LRRK2: variants seen among roughly 807,000 people sequenced by gnomAD.
The protein encoded by LRRK2 is leucine-rich repeat serine/threonine-protein kinase 2.
Under a neutral mutation model 302.6 loss-of-function variants are expected in LRRK2, and 203 were observed. The ratio of observed to expected loss-of-function variants is 0.67; its 90% CI spans 0.60 to 0.75. The LOEUF (loss-of-function observed/expected upper bound fraction) is 0.75, where lower values mean the gene tolerates loss of function less well. Ranked by LOEUF, LRRK2 falls within the 30% of genes least tolerant of loss-of-function variation. LRRK2 has a pLI of 0.00. For synonymous variants in LRRK2, 1,066 were observed against 1,031.9 expected, an observed-to-expected ratio of 1.03 and a Z score of -0.63; for missense variants, 2,830 against 2,951.0, an observed-to-expected ratio of 0.96 and a Z score of 0.95.
intron 11 of LRRK2, 36 bp from the exon 12 acceptor site, chr12:40,257,212 T>C (rs772232035): frequency 1.9e-5 from 27 of 1,424,064 alleles, no homozygotes; most frequent in Non-Finnish European, 2.5e-5. Context: ...GAAAATATGC[T>C]TTCATATCTA....
rs191471403 is a variant in LRRK2, at chr12:40,365,116, C to T, written c.7390+66C>T. 86 of 1,435,714 alleles carry T rather than the reference C, an allele frequency of 6.0e-5. No individual in the cohort carries two copies. In the South Asian group the frequency reaches 6.6e-4, roughly 11 times the overall value. The allele number at this position is 1,435,714 out of a possible 1,614,324, so 88.9% of individuals were successfully genotyped here. A position where few individuals can be genotyped will look rare whatever the true frequency, so the allele number is the denominator to read the frequency against. Reference sequence around the variant, plus strand: ...TCTTATAAAATATGCCTTTATTTTACGTTTACATTTTCTCTGAACTTTCCA... The same window carrying T: ...TCTTATAAAATATGCCTTTATTTTATGTTTACATTTTCTCTGAACTTTCCA... On this transcript the variant is annotated intron_variant, in intron 49 of 50. Coordinates refer to ENST00000298910, the MANE Select transcript of LRRK2 (RefSeq NM_198578.4).
chr12:40,225,756 A>G (rs1349262965), intron 2 of LRRK2, 116 bp downstream of exon 2: 3 of 822,392 alleles, frequency 3.6e-6, no homozygotes, highest in Non-Finnish European at 6.2e-6. Flanking sequence ...TGGCTTGAGG[A>G]ACCTCTGACT....
intron 18 of LRRK2, among the ~76,000 whole-genome samples, chr12:40,280,532 G>A (rs975683493): frequency 2.0e-5 from 3 of 151,840 alleles, no homozygotes; most frequent in African/African-American, 7.3e-5. Context: ...GTCTGAGGTG[G>A]GAGGATGACT....
intron 4 of LRRK2, 79 bp downstream of exon 4, chr12:40,235,793 G>T (rs878915406): frequency 0.013 from 6,055 of 457,348 alleles, 1 homozygote; most frequent in East Asian, 0.023. Context: ...GTGTGTGTGT[G>T]TTTTTTTTTT....
In LRRK2 at chr12:40,295,358, C is replaced by G. The variant is rs1944339374; in HGVS notation, c.2879-69C>G. The G allele has an allele frequency of 5.4e-6, 8 of 1,476,236 alleles. No homozygotes were observed. The Admixed American group carries it at 1.4e-4, about 25-fold the overall frequency. The allele number at this position is 1,476,236 out of a possible 1,614,324, so 91.4% of individuals were successfully genotyped here. On this transcript the variant is annotated intron_variant, in intron 22 of 50. Coordinates refer to ENST00000298910, the MANE Select transcript of LRRK2 (RefSeq NM_198578.4). ...AAGCCTGATTGCTAGGAGGTGCTCA[C>G]TAAACTTTTACTACATGAATTTAAA...
At chr12:40,358,698 AT>A (rs1946615120) in intron 46 of LRRK2, among the ~76,000 whole-genome samples, 2 of 149,846 alleles carry the variant, frequency 1.3e-5, no homozygotes, top group South Asian at 4.3e-4. Context: ...TGTTTTGGCT[AT>A]TTTGGCTCTT....
intron 38 of LRRK2, among the ~76,000 whole-genome samples, chr12:40,324,228 G>GTACAATTTTTT (rs1945483487): frequency 6.6e-6 from 1 of 152,010 alleles, no homozygotes; most frequent in Non-Finnish European, 1.5e-5. Flanking sequence ...GATATACTTT[G>GTACAATTTTTT]TACAAATTTT....
At chr12:40,267,292 A>G (rs576770719) in intron 14 of LRRK2, among the ~76,000 whole-genome samples, 77 of 152,146 alleles carry the variant, frequency 5.1e-4, no homozygotes, top group Non-Finnish European at 1.0e-3. Context: ...TCCTTTTAAT[A>G]CCTATCCTGT....
At chr12:40,304,356 G>T (rs573803703) in intron 27 of LRRK2, 1 of 582,680 alleles carries the variant, frequency 1.7e-6, no homozygotes, top group Non-Finnish European at 3.0e-6. Context: ...TTCTCACACC[G>T]ACAATTTAAA....
chr12:40,255,035 C>A (rs1204934241), intron 11 of LRRK2, among the ~76,000 whole-genome samples: 2 of 151,954 alleles, frequency 1.3e-5, no homozygotes, highest in Admixed American at 1.3e-4. Flanking sequence ...CATGGAGGTC[C>A]CAAGGTTGCA....
At chr12:40,354,251 CT>C in intron 44 of LRRK2, 47 bp from the exon 45 acceptor site, 1 of 1,527,126 alleles carries the variant, frequency 6.5e-7, no homozygotes, top group Non-Finnish European at 9.0e-7. Context: ...GTTCTAGTTG[CT>C]TAAGCTTAAA....
At chr12:40,282,925 A>G (rs1198282923) in intron 18 of LRRK2, among the ~76,000 whole-genome samples, 1 of 152,186 alleles carries the variant, frequency 6.6e-6, no homozygotes, top group African/African-American at 2.4e-5. Flanking sequence ...TGAAGCCAGC[A>G]GATTTGGCTT....
chr12:40,324,908 T>A (rs980597303), intron 38 of LRRK2, among the ~76,000 whole-genome samples: 1 of 152,214 alleles, frequency 6.6e-6, no homozygotes, highest in Admixed American at 6.5e-5. Context: ...CACAGATCCC[T>A]AAAATATTTC....
Position 40,359,242 on chromosome 12 carries a change from C to A in LRRK2, c.6844-18C>A. On this transcript the variant is annotated intron_variant, in intron 46 of 50. Coordinates refer to ENST00000298910, the MANE Select transcript of LRRK2 (RefSeq NM_198578.4). ...ATACTCAATTTGCTGAGTGTGTTTT[C>A]TTTTTTTTTTGGCAAAGCTTAAAGG... 1 of 1,283,650 alleles carries A rather than the reference C, an allele frequency of 7.8e-7. No homozygotes were observed. The highest frequency in any genetic ancestry group is 1.1e-6 in the Non-Finnish European group (1 of 919,538). The allele number at this position is 1,283,650 out of a possible 1,614,324, so 79.5% of individuals were successfully genotyped here.
At chr12:40,280,764 G>A (rs1480012045) in intron 18 of LRRK2, among the ~76,000 whole-genome samples, 1 of 152,016 alleles carries the variant, frequency 6.6e-6, no homozygotes, top group Non-Finnish European at 1.5e-5. Context: ...GACAGAGGGA[G>A]ACTCTGTCTC....
chr12:40,318,509 A>G (rs900830580), intron 33 of LRRK2, among the ~76,000 whole-genome samples: 12 of 152,074 alleles, frequency 7.9e-5, no homozygotes, highest in South Asian at 4.1e-4. Context: ...AGCCCCTATG[A>G]TACAGATGAA....
chr12:40,300,485 A>G (rs549927189), intron 25 of LRRK2, among the ~76,000 whole-genome samples: 2 of 152,350 alleles, frequency 1.3e-5, no homozygotes, highest in Admixed American at 6.5e-5. Context: ...ATTCTATTTA[A>G]TAGCAGAATA....
At chr12:40,307,167 A>C (rs1376931054) in intron 28 of LRRK2, among the ~76,000 whole-genome samples, 1 of 152,016 alleles carries the variant, frequency 6.6e-6, no homozygotes, top group East Asian at 1.9e-4. Context: ...TTTTGAAGAA[A>C]GACATTTTTT....
In LRRK2 at chr12:40,364,845, G is replaced by GGT. The variant is rs281865056; in HGVS notation, c.7186_7187dup (p.Met2397Ter). On this transcript the variant is annotated frameshift_variant, in exon 49 of 51. Coordinates refer to ENST00000298910, the MANE Select transcript of LRRK2 (RefSeq NM_198578.4). LOFTEE classifies it high-confidence loss of function. ...AATGTATACTTTATGGTTCTAGGGA[G>GGT]GTAATGGTAAAAGAAAACAAGGAAT... The GGT allele has an allele frequency of 3.3e-5, 53 of 1,606,630 alleles. No homozygotes were observed. Among genetic ancestry groups the GGT allele is most frequent in the Non-Finnish European group, 4.4e-5 (52 of 1,174,312 alleles).
Sources: gnomAD v4.1 joint callset for allele counts (sites outside exome capture counted in the v4.1 genomes callset) on GRCh38, gnomAD v4.1.1 for gene constraint, MANE v1.5 for transcripts, NCBI Gene and HGNC (gene_info 2026-07-23, HGNC 2026-07-21) for gene names.